DMD: variants seen among roughly 807,000 people sequenced by gnomAD.
DMD encodes the protein dystrophin.
Under a neutral mutation model 330.1 loss-of-function variants are expected in DMD, and 63 were observed. The observed-to-expected ratio is 0.19, with a 90% CI of 0.16 to 0.24. DMD has a LOEUF of 0.24. Ranked by LOEUF, DMD falls within the 10% of genes least tolerant of loss-of-function variation. The probability of loss-of-function intolerance (pLI) is 1.00; values close to 1 mark genes in which losing one functional copy is unlikely to be tolerated. For missense variants in DMD, 3,344 were observed against 2,684.1 expected (o/e 1.25, Z -5.43); for synonymous variants, 1,223 against 959.8 (o/e 1.27, Z -5.07).
At position 32,468,586 on chromosome X, in the gene DMD, A is replaced by G. The variant is rs376163041; in HGVS notation, c.3074T>C (p.Ile1025Thr). Residue 1025 changes from isoleucine to threonine, a missense_variant, in exon 23 of 79, where the codon ATT (isoleucine) becomes ACT (threonine). Coordinates refer to ENST00000357033, the MANE Select transcript of DMD (RefSeq NM_004006.3). ...SRKYQSEFEE[I>T]EGRWKKLSSQ... ...GGAGAGCTTCTTCCAGCGTCCCTCAATTTCTTCAAATTCTGATTGATATTT... is the reference window on the plus strand; with the variant it reads ...GGAGAGCTTCTTCCAGCGTCCCTCAGTTTCTTCAAATTCTGATTGATATTT... 1.7e-6 allele frequency: 2 copies of G among 1,210,663 alleles called. No homozygotes were observed. The highest frequency in any genetic ancestry group is 1.1e-6 in the Non-Finnish European group (1 of 895,065).
At chrX:32,042,121 A>T (rs190773652) in intron 44 of DMD, among the ~76,000 whole-genome samples, 5,760 of 91,864 alleles carry the variant, frequency 0.063, 173 homozygotes, top group Non-Finnish European at 0.082. Flanking sequence ...ATATACACAC[A>T]TATGTATACA....
chrX:32,156,188 T>C (rs2096829545), intron 44 of DMD, among the ~76,000 whole-genome samples: 1 of 111,718 alleles, frequency 9.0e-6, no homozygotes, highest in Admixed American at 9.5e-5. Flanking sequence ...GAGACTGTCC[T>C]GGCCAACATG....
At chrX:32,827,823 G>A (rs2078850604) in intron 4 of DMD, among the ~76,000 whole-genome samples, 1 of 110,241 alleles carries the variant, frequency 9.1e-6, no homozygotes, top group African/African-American at 3.3e-5. Flanking sequence ...CACCACGCCT[G>A]GCTAATTTTG....
chrX:32,471,098 G>A (rs1417644813), intron 22 of DMD, among the ~76,000 whole-genome samples: 1 of 110,600 alleles, frequency 9.0e-6, no homozygotes, highest in Non-Finnish European at 1.9e-5. Context: ...CCAAGATGGT[G>A]AAACCCCATC....
intron 51 of DMD, among the ~76,000 whole-genome samples, chrX:31,760,131 T>G (rs766618343): frequency 1.3e-3 from 147 of 112,289 alleles, no homozygotes; most frequent in African/African-American, 4.7e-3. Flanking sequence ...TTCAGCTTAT[T>G]TGACCTTTTC....
chrX:31,149,588 CCTTA>C (rs1400596967), intron 74 of DMD, among the ~76,000 whole-genome samples: 11 of 112,008 alleles, frequency 9.8e-5, no homozygotes, highest in Admixed American at 1.9e-4. Context: ...CAGTGAAGCT[CCTTA>C]CTTACTATGG....
intron 60 of DMD, among the ~76,000 whole-genome samples, chrX:31,387,590 C>T (rs575663463): frequency 1.8e-5 from 2 of 111,009 alleles, no homozygotes; most frequent in African/African-American, 6.5e-5. Flanking sequence ...AGTAGAGACG[C>T]GGTTTTGCCA....
At chrX:32,674,620 T>TG (rs776886787) in intron 9 of DMD, among the ~76,000 whole-genome samples, 6 of 111,008 alleles carry the variant, frequency 5.4e-5, no homozygotes, top group Non-Finnish European at 1.1e-4. Flanking sequence ...TTCAGGGAGG[T>TG]GTTCAGGCCA....
chrX:31,885,596 C>G (rs1295254087), intron 47 of DMD, among the ~76,000 whole-genome samples: 2 of 77,153 alleles, frequency 2.6e-5, no homozygotes, highest in Admixed American at 4.1e-4. Flanking sequence ...GGCGACAGAG[C>G]GAGACTCCGT....
At chrX:32,367,082 TCTC>T (rs1177442384) in intron 34 of DMD, among the ~76,000 whole-genome samples, 1 of 112,089 alleles carries the variant, frequency 8.9e-6, no homozygotes, top group African/African-American at 3.2e-5. Flanking sequence ...CATATGTAAT[TCTC>T]CTCAATATAT....
At chrX:32,784,066 T>G (rs1405827465) in intron 7 of DMD, among the ~76,000 whole-genome samples, 1 of 110,521 alleles carries the variant, frequency 9.0e-6, no homozygotes, top group Non-Finnish European at 1.9e-5. Context: ...ATTAAATCAT[T>G]TTTAAATAGC....
At chrX:32,414,473 CA>C (rs2098158489) in intron 29 of DMD, among the ~76,000 whole-genome samples, 1 of 111,641 alleles carries the variant, frequency 9.0e-6, no homozygotes, top group Non-Finnish European at 1.9e-5. Flanking sequence ...TTGTATGTGC[CA>C]TAACATATTT....
intron 61 of DMD, among the ~76,000 whole-genome samples, chrX:31,330,942 A>G (rs2057089511): frequency 8.9e-6 from 1 of 112,224 alleles, no homozygotes. Flanking sequence ...ATAGTGCTTT[A>G]TATGTCTATA....
intron 24 of DMD, 105 bp from the exon 25 acceptor site, chrX:32,463,699 T>C (rs1040426171): frequency 2.7e-6 from 2 of 739,836 alleles, no homozygotes; most frequent in Non-Finnish European, 3.7e-6. Flanking sequence ...GCATTGCATA[T>C]GGATTTTTGT....
chrX:31,686,247 T>C (rs747819342), intron 52 of DMD, among the ~76,000 whole-genome samples: 5 of 112,742 alleles, frequency 4.4e-5, no homozygotes, highest in Non-Finnish European at 7.5e-5. Flanking sequence ...GTCTGTCAAA[T>C]GAGTTGTACA....
At chrX:32,482,462 G>T (rs1016018789) in intron 21 of DMD, among the ~76,000 whole-genome samples, 3 of 111,726 alleles carry the variant, frequency 2.7e-5, no homozygotes, top group Non-Finnish European at 5.7e-5. Flanking sequence ...GGTACTCCAT[G>T]CTGTAGCATG....
At chrX:33,136,893 G>T (rs1465797705) in intron 1 of DMD, among the ~76,000 whole-genome samples, 1 of 110,954 alleles carries the variant, frequency 9.0e-6, no homozygotes, top group Admixed American at 9.7e-5. Context: ...CATTATATAT[G>T]ATGAGGTTAA....
intron 9 of DMD, among the ~76,000 whole-genome samples, chrX:32,684,611 T>G (rs2062712414): frequency 8.9e-6 from 1 of 111,852 alleles, no homozygotes; most frequent in Admixed American, 9.6e-5. Flanking sequence ...TCCTGTTTCT[T>G]TATGTTCTGC....
At chrX:32,375,127 A>G (rs1194626976) in intron 34 of DMD, among the ~76,000 whole-genome samples, 12 of 111,087 alleles carry the variant, frequency 1.1e-4, no homozygotes. Flanking sequence ...CACTTTGATG[A>G]AAATTCTCAG....
Sources: allele counts gnomAD v4.1 joint callset (sites outside exome capture counted in the v4.1 genomes callset), GRCh38; gene constraint gnomAD v4.1.1; transcripts MANE v1.5; gene names NCBI Gene and HGNC (gene_info 2026-07-23, HGNC 2026-07-21).